The following REX1BD variants were observed in gnomAD, a reference collection of about 807,000 sequenced individuals.
The protein encoded by REX1BD is required for excision 1-B domain containing, also known as required for excision 1-B domain-containing protein.
Under a neutral mutation model 24.4 loss-of-function variants are expected in REX1BD, and 22 were observed. The observed-to-expected ratio is 0.90, with a 90% CI of 0.64 to 1.29. REX1BD has a LOEUF of 1.29. Ranked by LOEUF, REX1BD falls within the 50% of genes most tolerant of loss-of-function variation. The pLI is 0.00. For synonymous variants in REX1BD, 146 were observed against 125.9 expected, an observed-to-expected ratio of 1.16 and a Z score of -1.07; for missense variants, 293 against 285.3, an observed-to-expected ratio of 1.03 and a Z score of -0.19.
Position 18,589,564 on chromosome 19 carries a change from G to A in REX1BD, c.334G>A (p.Ala112Thr), listed in dbSNP as rs369060016. ...STVHGVTQAF[A>T]AASREVLAVE... Reference sequence around the variant, plus strand: ...AGTGCACGGGGTGACCCAGGCCTTCGCCGCCGCCTCGCGGGAGGTGCTGGC... The same window carrying A: ...AGTGCACGGGGTGACCCAGGCCTTCACCGCCGCCTCGCGGGAGGTGCTGGC... The change falls in exon 3 of 5, where the codon GCC (alanine) becomes ACC (threonine). Residue 112 changes from alanine to threonine, a missense_variant. By Grantham distance (58) the Ala-to-Thr change is moderately conservative. Coordinates refer to ENST00000358607, the MANE Select transcript of REX1BD (RefSeq NM_001100418.2). 170 of 1,569,860 alleles carry A rather than the reference G, an allele frequency of 1.1e-4. No individual in the cohort carries two copies. The highest frequency in any genetic ancestry group is 1.3e-4 in the Non-Finnish European group (157 of 1,165,852).
In REX1BD at chr19:18,592,268, G is replaced by A. The variant is rs1002749473; in HGVS notation, c.*88G>A. The A allele has an allele frequency of 1.4e-5, 20 of 1,393,204 alleles. No homozygotes were observed. The highest frequency in any genetic ancestry group is 3.5e-5 in the Admixed American group (2 of 56,530). 86.3% of individuals were successfully genotyped at this position (1,393,204 alleles called of 1,614,324 possible). On this transcript the variant is annotated 3_prime_UTR_variant, in exon 5 of 5. Coordinates refer to ENST00000358607, the MANE Select transcript of REX1BD (RefSeq NM_001100418.2). ...CCCTAACTGCCAGCTGGCTGGGGTT[G>A]CGCCCCACTGCGCTGCTGACCTTCC...
rs990213465 is a variant in REX1BD at position 18,589,743 on chromosome 19, C to T, written c.453+60C>T. The T allele has an allele frequency of 1.9e-5, 27 of 1,433,138 alleles. No homozygotes were observed. In the South Asian group the frequency reaches 2.8e-4, roughly 15 times the overall value. 88.8% of individuals were successfully genotyped at this position (1,433,138 alleles called of 1,614,324 possible). ...GGACCCTGGCCGGCTCCTCTCATGA[C>T]GCACCCCTGGTTGGGGGGTGGTCCC... On this transcript the variant is annotated intron_variant, in intron 3 of 4. Transcript: ENST00000358607.
In REX1BD at chr19:18,589,507, C is replaced by G. The variant is rs200434887; in HGVS notation, c.277C>G (p.Pro93Ala). ...RGHRQYLRSG[P>A]DYDFARYRST... ...CCACCGCCAGTACCTGCGCAGCGGC[C>G]CTGACTACGACTTCGCGCGCTACCG... Residue 93 changes from proline (P) to alanine (A), a missense_variant, in exon 3 of 5, where the codon CCT (proline) becomes GCT (alanine). Coordinates refer to ENST00000358607, the MANE Select transcript of REX1BD (RefSeq NM_001100418.2). The G allele has an allele frequency of 5.4e-4, 844 of 1,574,468 alleles. 1 individual carries two copies. Among genetic ancestry groups the G allele is most frequent in the Non-Finnish European group, 6.4e-4 (750 of 1,165,166 alleles).
In REX1BD at chr19:18,589,437, G is replaced by A; in HGVS notation, c.207G>A (p.Leu69=). The change falls in exon 3 of 5, where the codon CTG becomes CTA. Residue 69 remains leucine, a synonymous_variant. Transcript: ENST00000358607. ...GGTGGTTGGCGCCGGTGCAGGGCCT[G>A]AGAGCCTGGGGGCGCGGCCTCAGGG... is the stretch of plus-strand genomic sequence containing the variant. ...LEEWLAPVQG[L]RAWGRGLRVP... The A allele has an allele frequency of 1.3e-6, 2 of 1,559,986 alleles. No homozygotes were observed. Among genetic ancestry groups the A allele is most frequent in the Non-Finnish European group, 1.7e-6 (2 of 1,152,504 alleles).
In REX1BD at chr19:18,590,860, C is replaced by A; in HGVS notation, c.460C>A (p.Leu154Met). ...LEQTRLGTVALLQLMETPELA... is the reference protein window; with the variant it reads ...LEQTRLGTVAMLQLMETPELA... ...TTGCTCATTCCCCCACCAGGTGGCC[C>A]TGCTGCAGTTGATGGAGACGCCAGA... The change falls in exon 4 of 5, where the codon CTG becomes ATG. Residue 154 changes from leucine (L) to methionine (M), a missense_variant. Transcript: ENST00000358607. 6.2e-7 allele frequency: 1 copy of A among 1,605,440 alleles called. No individual in the cohort carries two copies.
intron 4 of REX1BD, 35 bp downstream of exon 4, chr19:18,590,968 C>T (rs970952117): frequency 3.4e-6 from 5 of 1,489,758 alleles, no homozygotes; most frequent in African/African-American, 1.4e-5. Context: ...TGGCTATGCT[C>T]GATTTGCACC....
At chr19:18,590,674 C>T in intron 3 of REX1BD, 180 bp from the exon 4 acceptor site, 1 of 588,014 alleles carries the variant, frequency 1.7e-6, no homozygotes. Flanking sequence ...CCTGCTGTCT[C>T]CTTTCTGAGA....
chr19:18,592,093 C>T lies in REX1BD; in HGVS notation c.534-15C>T. 1 of 1,613,950 alleles carries T rather than the reference C, an allele frequency of 6.2e-7. No homozygotes were observed. The highest frequency in any genetic ancestry group is 8.5e-7 in the Non-Finnish European group (1 of 1,179,982). Reference sequence around the variant, plus strand: ...CCATCTGGGTTTTATTTATAGTTCCCATCCGCTCTTGTAGGGTAATTAAAA... The same window carrying T: ...CCATCTGGGTTTTATTTATAGTTCCTATCCGCTCTTGTAGGGTAATTAAAA... On this transcript the variant is annotated splice_polypyrimidine_tract_variant and intron_variant, in intron 4 of 4. Coordinates refer to ENST00000358607, the MANE Select transcript of REX1BD (RefSeq NM_001100418.2).
In REX1BD at chr19:18,589,470, A is replaced by C. The variant is rs2145318359; in HGVS notation, c.240A>C (p.Thr80=). Residue 80 remains threonine (T), a synonymous_variant, in exon 3 of 5, where the codon ACA becomes ACC. Coordinates refer to ENST00000358607, the MANE Select transcript of REX1BD (RefSeq NM_001100418.2). ...GGGGGCGCGGCCTCAGGGTCCCCAC[A>C]TGCCGCAGAGGCCACCGCCAGTACC... ...RAWGRGLRVP[T]CRRGHRQYLR... is the part of the protein sequence containing the mutation. 1 of 1,558,274 alleles carries C rather than the reference A, an allele frequency of 6.4e-7. No homozygotes were observed. The highest frequency in any genetic ancestry group is 8.7e-7 in the Non-Finnish European group (1 of 1,152,582).
At chr19:18,591,889 C>T in intron 4 of REX1BD, 1 of 582,778 alleles carries the variant, frequency 1.7e-6, no homozygotes, top group Non-Finnish European at 3.1e-6. Context: ...CCACCATGCC[C>T]AGCCCAGATG....
At chr19:18,590,032 G>A in intron 3 of REX1BD, 1 of 286,230 alleles carries the variant, frequency 3.5e-6, no homozygotes, top group African/African-American at 2.2e-5. Context: ...GTAGATACAG[G>A]CGAGGGGGGT....
chr19:18,590,889 G>T lies in REX1BD; in HGVS notation c.489G>T (p.Leu163=). Residue 163 remains leucine (L), a synonymous_variant, in exon 4 of 5, where the codon CTG becomes CTT. Coordinates refer to ENST00000358607, the MANE Select transcript of REX1BD (RefSeq NM_001100418.2). ...TGCAGTTGATGGAGACGCCAGAGCT[G>T]GCGGGGCAGGAGGACGCTGTACGGA... ...ALLQLMETPE[L]AGQEDAVRMQ... is the part of the protein sequence containing the mutation. 1 of 1,605,142 alleles carries T rather than the reference G, an allele frequency of 6.2e-7. No homozygotes were observed.
chr19:18,591,797 G>T, intron 4 of REX1BD: 1 of 363,026 alleles, frequency 2.8e-6, no homozygotes, highest in Non-Finnish European at 5.1e-6. Context: ...GATTCGCCAT[G>T]TTGGCCAGGC....
intron 4 of REX1BD, 32 bp downstream of exon 4, chr19:18,590,965 G>T: frequency 6.7e-7 from 1 of 1,495,314 alleles, no homozygotes. Flanking sequence ...GCCTGGCTAT[G>T]CTCGATTTGC....
At chr19:18,589,242 G>T (rs1284492289) in intron 2 of REX1BD, 165 bp downstream of exon 2, 3 of 1,529,286 alleles carry the variant, frequency 2.0e-6, no homozygotes, top group African/African-American at 1.4e-5. Context: ...CACGAAAAAG[G>T]CCCCACAGCA....
At chr19:18,589,129 C>T (rs1179386316) in intron 2 of REX1BD, 52 bp downstream of exon 2, 64 of 1,463,924 alleles carry the variant, frequency 4.4e-5, no homozygotes, top group Non-Finnish European at 5.4e-5. Context: ...CCGCTCCGGG[C>T]GTGGGCGTGT....
intron 4 of REX1BD, chr19:18,591,750 A>G (rs1171254940): frequency 1.2e-5 from 3 of 253,398 alleles, no homozygotes; most frequent in Non-Finnish European, 2.3e-5. Flanking sequence ...GCCCGCCACC[A>G]TGCCTGGCTA....
At chr19:18,590,578 C>T (rs1976019950) in intron 3 of REX1BD, 4 of 367,902 alleles carry the variant, frequency 1.1e-5, no homozygotes, top group Admixed American at 4.6e-5. Flanking sequence ...CGCAACCTAA[C>T]CCACCCCTAC....
intron 3 of REX1BD, 143 bp downstream of exon 3, chr19:18,589,826 T>C: frequency 8.2e-7 from 1 of 1,218,082 alleles, no homozygotes. Flanking sequence ...CTATTAAGGC[T>C]TCACTTGGGG....
Sources: allele counts gnomAD v4.1 joint callset, GRCh38; gene constraint gnomAD v4.1.1; transcripts MANE v1.5; gene names NCBI Gene and HGNC (gene_info 2026-07-23, HGNC 2026-07-21).